TMEM74: variants seen among roughly 807,000 people sequenced by gnomAD.
TMEM74 encodes transmembrane protein 74.
A neutral mutation model predicts 18.1 loss-of-function variants in TMEM74; 13 were observed. That is an observed-to-expected ratio of 0.72 (90% CI 0.47 to 1.14). The LOEUF is 1.14. Among genes scored for constraint, TMEM74 ranks in the 50% most tolerant of loss-of-function variants. TMEM74 has a pLI of 0.00. For missense variants in TMEM74, 372 were observed against 375.9 expected (o/e 0.99, Z 0.09); for synonymous variants, 159 against 146.6 (o/e 1.08, Z -0.61).
chr8:108,750,906 TC>T (rs1813898323), intron 1 of TMEM74, among the ~76,000 whole-genome samples: 1 of 152,110 alleles, frequency 6.6e-6, no homozygotes, highest in Non-Finnish European at 1.5e-5. Flanking sequence ...TTTGTCTCTT[TC>T]CTGTTCTAAA....
At chr8:108,652,190 C>T (rs1212756148) in intron 2 of TMEM74, among the ~76,000 whole-genome samples, 2 of 152,022 alleles carry the variant, frequency 1.3e-5, no homozygotes, top group Non-Finnish European at 2.9e-5. Context: ...CAAATGGAAA[C>T]ATTAAAAGTA....
downstream of TMEM74, among the ~76,000 whole-genome samples, chr8:108,775,197 G>T (rs1814215697): frequency 6.6e-6 from 1 of 152,106 alleles, no homozygotes; most frequent in African/African-American, 2.4e-5. Context: ...CTGCCCTGTG[G>T]GTGGGGTAAA....
chr8:108,625,625 A>G (rs1812485972), intron 2 of TMEM74, among the ~76,000 whole-genome samples: 1 of 152,034 alleles, frequency 6.6e-6, no homozygotes, highest in African/African-American at 2.4e-5. Flanking sequence ...TATAGCAGTC[A>G]AAATGTTTGC....
chr8:108,741,290 A>C (rs1813797724), intron 1 of TMEM74, among the ~76,000 whole-genome samples: 1 of 152,200 alleles, frequency 6.6e-6, no homozygotes, highest in Admixed American at 6.5e-5. Flanking sequence ...TTTAATATAA[A>C]AGTAAGATTC....
At chr8:108,724,270 C>G (rs1813612438) in intron 1 of TMEM74, among the ~76,000 whole-genome samples, 1 of 152,130 alleles carries the variant, frequency 6.6e-6, no homozygotes, top group South Asian at 2.1e-4. Flanking sequence ...ATATTCTATT[C>G]CAGTTACTGG....
At chr8:108,608,291 ACT>A (rs2130530514) in intron 3 of TMEM74, among the ~76,000 whole-genome samples, 1 of 137,464 alleles carries the variant, frequency 7.3e-6, no homozygotes, top group East Asian at 2.3e-4. Flanking sequence ...ACAGAGCAAG[ACT>A]CTGTCAAAAA....
chr8:108,769,556 T>C (rs1264848210), intron 1 of TMEM74, among the ~76,000 whole-genome samples: 1 of 152,122 alleles, frequency 6.6e-6, no homozygotes, highest in Non-Finnish European at 1.5e-5. Context: ...TGGGTTGTAC[T>C]TTCCACTCTC....
intron 2 of TMEM74, among the ~76,000 whole-genome samples, chr8:108,647,691 C>A (rs918314353): frequency 5.2e-4 from 79 of 152,140 alleles, no homozygotes; most frequent in Middle Eastern, 3.4e-3. Flanking sequence ...CTACTATATA[C>A]AGGATACATT....
intron 1 of TMEM74, among the ~76,000 whole-genome samples, chr8:108,682,858 G>A (rs1477641007): frequency 1.3e-5 from 2 of 151,812 alleles, no homozygotes; most frequent in Non-Finnish European, 2.9e-5. Context: ...AAAGAAATAA[G>A]TGGATATTAA....
chr8:108,726,948 C>T (rs914619059), intron 1 of TMEM74, among the ~76,000 whole-genome samples: 6 of 151,878 alleles, frequency 4.0e-5, no homozygotes, highest in African/African-American at 1.5e-4. Context: ...CCAGAGAGGC[C>T]TCATTGAGAA....
chr8:108,612,004 G>A (rs1042027802), intron 2 of TMEM74, among the ~76,000 whole-genome samples: 34 of 152,126 alleles, frequency 2.2e-4, no homozygotes, highest in African/African-American at 8.0e-4. Context: ...CCGAGCAAAA[G>A]GAGGAGAGTC....
intron 1 of TMEM74, among the ~76,000 whole-genome samples, chr8:108,738,511 A>G (rs541445337): frequency 6.6e-6 from 1 of 152,254 alleles, no homozygotes; most frequent in Non-Finnish European, 1.5e-5. Flanking sequence ...AGATTCTAGA[A>G]AGCTTTACCT....
intron 1 of TMEM74, chr8:108,655,496 T>A (rs1812812775): frequency 6.6e-6 from 1 of 151,956 alleles, no homozygotes; most frequent in Non-Finnish European, 1.5e-5. Flanking sequence ...TTTTTAATGA[T>A]CTGTGGTACG....
chr8:108,709,040 A>T lies in TMEM74; in HGVS notation n.120-53603T>A, dbSNP rs529556236. 2.0e-5 allele frequency among the ~76,000 whole-genome samples: 3 copies of T among 152,290 alleles called. No homozygotes were observed. In the South Asian group the frequency reaches 6.2e-4, roughly 32 times the overall value. On this transcript the variant is annotated intron_variant and non_coding_transcript_variant, in intron 1 of 3. Transcript: ENST00000518838. ...TAAAAAAACATAAAAAGCATTGGTG[A>T]TGATGTGGAGAAATTGGAATCCTTG...
At chr8:108,620,426 T>C (rs549633457) in intron 2 of TMEM74, among the ~76,000 whole-genome samples, 2 of 152,164 alleles carry the variant, frequency 1.3e-5, no homozygotes, top group African/African-American at 4.8e-5. Context: ...GGGATATGGG[T>C]AGGGATGGAA....
chr8:108,742,788 A>G (rs1217171857), intron 1 of TMEM74, among the ~76,000 whole-genome samples: 2 of 152,188 alleles, frequency 1.3e-5, no homozygotes, highest in Non-Finnish European at 2.9e-5. Flanking sequence ...TTTTCACTAT[A>G]AAACAGACAC....
chr8:108,702,169 C>T (rs960636289), intron 1 of TMEM74, among the ~76,000 whole-genome samples: 5 of 151,550 alleles, frequency 3.3e-5, no homozygotes, highest in Admixed American at 6.6e-5. Flanking sequence ...GTAGTGAAAC[C>T]CTATCTCTAC....
At chr8:108,765,664 T>C (rs971204701) in intron 1 of TMEM74, among the ~76,000 whole-genome samples, 19 of 152,112 alleles carry the variant, frequency 1.2e-4, no homozygotes, top group Admixed American at 7.9e-4. Flanking sequence ...CCTCCCAGCC[T>C]CCCAAAGTGC....
intron 1 of TMEM74, among the ~76,000 whole-genome samples, chr8:108,750,568 C>A (rs1234532236): frequency 1.3e-5 from 2 of 152,022 alleles, no homozygotes; most frequent in African/African-American, 2.4e-5. Context: ...TCCTGACAGT[C>A]CACAGCTGTT....
Sources: gnomAD v4.1 joint callset for allele counts (sites outside exome capture counted in the v4.1 genomes callset) on GRCh38, gnomAD v4.1.1 for gene constraint, MANE v1.5 for transcripts, NCBI Gene and HGNC (gene_info 2026-07-23, HGNC 2026-07-21) for gene names.